MALRD1: variants seen among roughly 807,000 people sequenced by gnomAD.
The protein encoded by MALRD1 is MAM and LDL-receptor class A domain-containing protein 1.
In MALRD1, 247 loss-of-function variants were observed where a neutral mutation model predicts 242.1. The observed-to-expected ratio is 1.02, with a 90% CI of 0.92 to 1.13. The LOEUF is 1.13. Ranked by LOEUF, MALRD1 falls within the 50% of genes most tolerant of loss-of-function variation. MALRD1 has a pLI of 0.00. For synonymous variants in MALRD1, 995 were observed against 866.6 expected, an observed-to-expected ratio of 1.15 and a Z score of -2.60; for missense variants, 2,989 against 2,533.1, an observed-to-expected ratio of 1.18 and a Z score of -3.86.
At position 19,562,332 on chromosome 10, in the gene MALRD1, GA is replaced by G. The variant is rs879628350; in HGVS notation, c.5479-5169del. Among the ~76,000 whole-genome samples, 697 of 146,524 alleles carry G rather than the reference GA, an allele frequency of 4.8e-3. 2 individuals carry two copies. The highest frequency in any genetic ancestry group is 8.1e-3 in the Non-Finnish European group (547 of 67,858). ...AGATAGATAGATAGATAGATAGATA[GA>G]TAGATAGATAGTTAGATAGATAGAT... On this transcript the variant is annotated intron_variant, in intron 32 of 39. Transcript: ENST00000454679.
intron 13 of MALRD1, among the ~76,000 whole-genome samples, chr10:19,171,968 A>G (rs1402459004): frequency 1.2e-4 from 4 of 33,684 alleles, no homozygotes; most frequent in Admixed American, 3.6e-4. Context: ...TATCACATAT[A>G]TGTGATATAT....
intron 28 of MALRD1, among the ~76,000 whole-genome samples, chr10:19,399,383 A>G (rs1005313433): frequency 1.1e-4 from 16 of 152,292 alleles, no homozygotes; most frequent in African/African-American, 3.8e-4. Flanking sequence ...CATGATAGTA[A>G]CTGTTTGTAG....
chr10:19,083,676 G>A (rs1835566878), intron 2 of MALRD1, among the ~76,000 whole-genome samples: 1 of 151,960 alleles, frequency 6.6e-6, no homozygotes, highest in Non-Finnish European at 1.5e-5. Flanking sequence ...TTTGAAAAAG[G>A]TCTAGCACCA....
intron 29 of MALRD1, among the ~76,000 whole-genome samples, chr10:19,482,014 A>T (rs1837016806): frequency 6.6e-6 from 1 of 151,994 alleles, no homozygotes; most frequent in Admixed American, 6.6e-5. Context: ...TGTTTCTGGC[A>T]TGAATAAATG....
intron 29 of MALRD1, among the ~76,000 whole-genome samples, chr10:19,456,752 T>TTTATTTAC (rs1388848553): frequency 7.8e-6 from 1 of 128,786 alleles, no homozygotes; most frequent in East Asian, 2.3e-4. Flanking sequence ...AAAAGTGACA[T>TTTATTTAC]TTATTTATTT....
chr10:19,341,452 G>GTATATA (rs1175268285), intron 24 of MALRD1, among the ~76,000 whole-genome samples: 1 of 126,220 alleles, frequency 7.9e-6, no homozygotes, highest in African/African-American at 2.9e-5. Context: ...ATATATATAT[G>GTATATA]TGTATATATA....
chr10:19,433,701 GA>G (rs1302777514), intron 28 of MALRD1, among the ~76,000 whole-genome samples: 7 of 150,962 alleles, frequency 4.6e-5, no homozygotes, highest in East Asian at 1.9e-4. Context: ...TGAACATGGA[GA>G]AAAAAAAATG....
intron 14 of MALRD1, among the ~76,000 whole-genome samples, chr10:19,180,118 C>T (rs781229525): frequency 6.6e-6 from 1 of 152,016 alleles, no homozygotes; most frequent in African/African-American, 2.4e-5. Context: ...TTACCTATAC[C>T]CGAGGTGAAA....
At chr10:19,202,109 C>T (rs781575393) in intron 14 of MALRD1, among the ~76,000 whole-genome samples, 7 of 152,126 alleles carry the variant, frequency 4.6e-5, no homozygotes, top group South Asian at 2.1e-4. Flanking sequence ...CCACGGCGCC[C>T]GACTGAGAAA....
At chr10:19,420,242 A>G (rs1833670317) in intron 28 of MALRD1, among the ~76,000 whole-genome samples, 1 of 150,642 alleles carries the variant, frequency 6.6e-6, no homozygotes, top group Non-Finnish European at 1.5e-5. Flanking sequence ...GTGGTTTGGC[A>G]GGAAAAATGT....
intron 21 of MALRD1, among the ~76,000 whole-genome samples, chr10:19,309,781 A>G (rs997641062): frequency 5.3e-5 from 8 of 151,544 alleles, no homozygotes; most frequent in African/African-American, 1.9e-4. Context: ...CCATGGGGAA[A>G]AATGAGATAG....
At chr10:19,151,797 T>C (rs1184964744) in intron 11 of MALRD1, among the ~76,000 whole-genome samples, 1 of 152,196 alleles carries the variant, frequency 6.6e-6, no homozygotes, top group East Asian at 1.9e-4. Context: ...AGATTATCTT[T>C]TTTGTCTATA....
intron 33 of MALRD1, among the ~76,000 whole-genome samples, chr10:19,583,810 T>C (rs1837250657): frequency 6.6e-6 from 1 of 151,996 alleles, no homozygotes. Context: ...TACCAGTTCC[T>C]CCTTGTACCT....
At chr10:19,106,919 C>T (rs566408321) in intron 5 of MALRD1, among the ~76,000 whole-genome samples, 1 of 151,816 alleles carries the variant, frequency 6.6e-6, no homozygotes, top group African/African-American at 2.4e-5. Flanking sequence ...GATTAATTTT[C>T]ATGTATTTGT....
chr10:19,268,530 C>G (rs916112747), intron 19 of MALRD1, among the ~76,000 whole-genome samples: 3 of 152,060 alleles, frequency 2.0e-5, no homozygotes, highest in African/African-American at 7.2e-5. Context: ...GCTTCAAATA[C>G]GCTTTTAGAT....
At chr10:19,628,725 T>TA (rs1839784935) in intron 36 of MALRD1, among the ~76,000 whole-genome samples, 1 of 152,176 alleles carries the variant, frequency 6.6e-6, no homozygotes, top group South Asian at 2.1e-4. Context: ...AAAAAAGCAT[T>TA]AAAAAGATTT....
At chr10:19,692,797 G>A (rs530610721) in intron 38 of MALRD1, among the ~76,000 whole-genome samples, 1 of 139,468 alleles carries the variant, frequency 7.2e-6, no homozygotes, top group African/African-American at 2.7e-5. Flanking sequence ...TTTTGAGGGC[G>A]TATATATATA....
At chr10:19,584,060 C>T (rs1044148872) in intron 33 of MALRD1, among the ~76,000 whole-genome samples, 16 of 150,486 alleles carry the variant, frequency 1.1e-4, no homozygotes, top group South Asian at 4.2e-4. Flanking sequence ...TCTGTGGGAT[C>T]GGTGGTGATA....
At chr10:19,084,602 T>C (rs1018287366) in intron 2 of MALRD1, among the ~76,000 whole-genome samples, 2 of 151,902 alleles carry the variant, frequency 1.3e-5, no homozygotes, top group African/African-American at 2.4e-5. Flanking sequence ...TGCCCATCAA[T>C]GGTTGAGGAA....
Sources: allele counts gnomAD v4.1 joint callset (sites outside exome capture counted in the v4.1 genomes callset), GRCh38; gene constraint gnomAD v4.1.1; transcripts MANE v1.5; gene names NCBI Gene and HGNC (gene_info 2026-07-23, HGNC 2026-07-21).